Variants in RCOR3 observed in about 807,000 individuals in gnomAD.
The protein encoded by RCOR3 is REST corepressor 3.
In RCOR3, 13 loss-of-function variants were observed where a neutral mutation model predicts 64.1. That is an observed-to-expected ratio of 0.20 (90% confidence interval 0.13 to 0.32). The LOEUF is 0.32. Among genes scored for constraint, RCOR3 ranks in the 10% least tolerant of loss-of-function variants. The probability of loss-of-function intolerance (pLI) is 1.00; values close to 1 mark genes in which losing one functional copy is unlikely to be tolerated. For missense variants in RCOR3, 489 were observed against 701.2 expected, an observed-to-expected ratio of 0.70 and a Z score of 3.42; for synonymous variants, 215 against 239.0, an observed-to-expected ratio of 0.90 and a Z score of 0.93.
intron 7 of RCOR3, among the ~76,000 whole-genome samples, chr1:211,288,552 AAT>A (rs1336738828): frequency 6.8e-6 from 1 of 146,428 alleles, no homozygotes; most frequent in East Asian, 2.0e-4. Flanking sequence ...ATTATTTATA[AAT>A]ATTTTATTTA....
intron 3 of RCOR3, among the ~76,000 whole-genome samples, chr1:211,273,202 T>TA (rs1192694186): frequency 1.3e-5 from 2 of 152,194 alleles, no homozygotes; most frequent in Non-Finnish European, 2.9e-5. Context: ...AGCAAATACT[T>TA]AAAAAATTCT....
At chr1:211,264,541 G>A (rs1694876465) in intron 2 of RCOR3, among the ~76,000 whole-genome samples, 1 of 152,090 alleles carries the variant, frequency 6.6e-6, no homozygotes, top group Admixed American at 6.6e-5. Flanking sequence ...AATTAGCCAA[G>A]TGTTGTGGCA....
At chr1:211,262,691 C>T (rs1250992242) in intron 2 of RCOR3, among the ~76,000 whole-genome samples, 1 of 152,060 alleles carries the variant, frequency 6.6e-6, no homozygotes, top group Non-Finnish European at 1.5e-5. Flanking sequence ...CATAGCATTA[C>T]ATTGGAAAGC....
At position 211,259,636 on chromosome 1, in the gene RCOR3, G is replaced by A. The variant is rs1693817536; in HGVS notation, c.76G>A (p.Ala26Thr). Residue 26 changes from alanine (A) to threonine (T), a missense_variant, in exon 1 of 12, where the codon GCA becomes ACA. By Grantham distance (58) the Ala-to-Thr change is moderately conservative (BLOSUM62 0). Coordinates refer to ENST00000419091, the MANE Select transcript of RCOR3 (RefSeq NM_001136223.3). ...GGCCAACGGCAGCGCCAAGAGCCCG[G>A]CAGGCGGCGGCGGCAGCGGCGCCTC... The part of the protein sequence containing the change: ...RSANGSAKSP[A>T]GGGGSGASST... 6.5e-7 allele frequency: 1 copy of A among 1,547,692 alleles called. No individual in the cohort carries two copies. Among genetic ancestry groups the A allele is most frequent in the African/African-American group, 1.4e-5 (1 of 72,630 alleles).
Position 211,259,617 on chromosome 1 carries a change from C to T in RCOR3, c.57C>T (p.Asn19=), listed in dbSNP as rs773186623. Residue 19 remains asparagine (N), a synonymous_variant, in exon 1 of 12, where the codon AAC becomes AAT. Transcript: ENST00000419091. ...TACTGGGGAAGAACCGATCGGCCAA[C>T]GGCAGCGCCAAGAGCCCGGCAGGCG... ...PELLGKNRSA[N]GSAKSPAGGG... is the part of the protein sequence containing the mutation. 1 of 1,548,490 alleles carries T rather than the reference C, an allele frequency of 6.5e-7. No individual in the cohort carries two copies.
intron 10 of RCOR3, among the ~76,000 whole-genome samples, chr1:211,307,380 T>A (rs914308196): frequency 5.9e-5 from 9 of 151,844 alleles, no homozygotes; most frequent in Admixed American, 4.6e-4. Flanking sequence ...TCCCAGCTGC[T>A]TGGGAGGCTG....
In RCOR3 at chr1:211,312,861, A is replaced by G; in HGVS notation, c.1217A>G (p.Gln406Arg). Residue 406 changes from glutamine to arginine, a missense_variant, in exon 11 of 12, where the codon CAA becomes CGA. Transcript: ENST00000419091. This position sits in a 1 kb window ranked among gnomAD's most constrained non-coding sequence, Gnocchi z 5.0. ...GTATTGCAGGAGTGGGAAGCAGAACAAGGAACCCAGGCTTCTAATGGTGAT... is the reference window on the plus strand; with the variant it reads ...GTATTGCAGGAGTGGGAAGCAGAACGAGGAACCCAGGCTTCTAATGGTGAT... ...EEVLQEWEAE[Q>R]GTQASNGDAS... 1.9e-6 allele frequency: 3 copies of G among 1,614,204 alleles called. No individual in the cohort carries two copies. The highest frequency in any genetic ancestry group is 2.5e-6 in the Non-Finnish European group (3 of 1,180,018).
chr1:211,308,337 C>G (rs1455990441), intron 10 of RCOR3, among the ~76,000 whole-genome samples: 1 of 152,074 alleles, frequency 6.6e-6, no homozygotes, highest in Admixed American at 6.6e-5. Context: ...ATACATCAGT[C>G]ACTGTTCTGC....
intron 2 of RCOR3, among the ~76,000 whole-genome samples, chr1:211,261,419 A>T (rs931143328): frequency 6.6e-6 from 1 of 152,226 alleles, no homozygotes; most frequent in Non-Finnish European, 1.5e-5. Context: ...AGTGTTCACT[A>T]GATTTGGGTT....
At chr1:211,306,552 A>G (rs986246991) in intron 10 of RCOR3, among the ~76,000 whole-genome samples, 1 of 152,168 alleles carries the variant, frequency 6.6e-6, no homozygotes, top group Non-Finnish European at 1.5e-5. Flanking sequence ...AGACTATTAC[A>G]GTGACCTGCA....
intron 2 of RCOR3, among the ~76,000 whole-genome samples, chr1:211,264,592 G>A (rs1419355405): frequency 6.6e-6 from 1 of 152,140 alleles, no homozygotes; most frequent in Admixed American, 6.5e-5. Flanking sequence ...GACTGAGGTG[G>A]GAGATCACTT....
At chr1:211,289,745 T>C (rs1229547441) in intron 8 of RCOR3, among the ~76,000 whole-genome samples, 1 of 152,220 alleles carries the variant, frequency 6.6e-6, no homozygotes, top group Non-Finnish European at 1.5e-5. Flanking sequence ...TTGGCACATT[T>C]TGAGTGCTCA....
intron 10 of RCOR3, among the ~76,000 whole-genome samples, chr1:211,308,698 T>TTTTTTGTG (rs1701171863): frequency 7.3e-5 from 3 of 40,846 alleles, no homozygotes; most frequent in African/African-American, 2.1e-4. Flanking sequence ...TTTTTTTTTT[T>TTTTTTGTG]TGTGTAGTCC....
chr1:211,274,377 G>T (rs145967166), intron 4 of RCOR3, 115 bp downstream of exon 4: 20 of 606,550 alleles, frequency 3.3e-5, no homozygotes, highest in Non-Finnish European at 5.3e-5. Flanking sequence ...CTATTTTATA[G>T]ATACCACAAA....
chr1:211,307,094 C>G (rs1046662431), intron 10 of RCOR3, among the ~76,000 whole-genome samples: 1 of 152,074 alleles, frequency 6.6e-6, no homozygotes, highest in African/African-American at 2.4e-5. Flanking sequence ...CTGTTTGTAG[C>G]TTATACATAT....
At chr1:211,281,397 T>A (rs1398196420) in intron 7 of RCOR3, among the ~76,000 whole-genome samples, 2 of 152,218 alleles carry the variant, frequency 1.3e-5, no homozygotes, top group African/African-American at 2.4e-5. Context: ...CTTCTTAGGT[T>A]CTCGTCTCCT....
In RCOR3 at chr1:211,259,491, T is replaced by C; in HGVS notation, c.-70T>C. 1 of 1,475,196 alleles carries C rather than the reference T, an allele frequency of 6.8e-7. No individual in the cohort carries two copies. Among genetic ancestry groups the C allele is most frequent in the South Asian group, 1.3e-5 (1 of 79,236 alleles). The allele number at this position is 1,475,196 out of a possible 1,614,324, so 91.4% of individuals were successfully genotyped here. A position where few individuals can be genotyped will look rare whatever the true frequency, so the allele number is the denominator to read the frequency against. On this transcript the variant is annotated 5_prime_UTR_variant, in exon 1 of 12. Coordinates refer to ENST00000419091, the MANE Select transcript of RCOR3 (RefSeq NM_001136223.3). ...CTCCTCCTTTCCCTCCCGCCCGCGC[T>C]CTAAGCCATCTCCGCCTTCACCCTG...
At chr1:211,293,258 C>T (rs1391936818) in intron 8 of RCOR3, among the ~76,000 whole-genome samples, 1 of 152,066 alleles carries the variant, frequency 6.6e-6, no homozygotes, top group Non-Finnish European at 1.5e-5. Context: ...TTTCCATCCT[C>T]TTTACCCTAT....
rs11419492 is a variant in RCOR3 at position 211,300,071 on chromosome 1, C to CTTTTT, written c.1018-3998_1018-3994dup. Among the ~76,000 whole-genome samples, 168 of 121,220 alleles carry CTTTTT rather than the reference C, an allele frequency of 1.4e-3. 2 individuals carry two copies. The highest frequency in any genetic ancestry group is 2.0e-3 in the Non-Finnish European group (120 of 60,230). 79.5% of individuals were successfully genotyped at this position (121,220 alleles called of 152,430 possible). A position where few individuals can be genotyped will look rare whatever the true frequency, so the allele number is the denominator to read the frequency against. On this transcript the variant is annotated intron_variant, in intron 9 of 11. Transcript: ENST00000419091. ...TCTGCATTTTTCTTTTTCTTTCTTT[C>CTTTTT]TTTTTTTTTTTTTTTTTTGAGACAC...
Sources: allele counts gnomAD v4.1 joint callset (sites outside exome capture counted in the v4.1 genomes callset), GRCh38; gene constraint gnomAD v4.1.1; non-coding constraint Gnocchi (gnomAD v3.1); transcripts MANE v1.5; gene names NCBI Gene and HGNC (gene_info 2026-07-23, HGNC 2026-07-21).